Variants in DOCK1 observed in about 807,000 individuals in gnomAD.
DOCK1 encodes the protein dedicator of cytokinesis protein 1.
Under a neutral mutation model 262.7 loss-of-function variants are expected in DOCK1, and 138 were observed. The ratio of observed to expected loss-of-function variants is 0.53; its 90% CI spans 0.46 to 0.61. The LOEUF (loss-of-function observed/expected upper bound fraction) is 0.61. Among genes scored for constraint, DOCK1 ranks in the 20% least tolerant of loss-of-function variants. DOCK1 has a pLI of 0.00. For missense variants in DOCK1, 1,908 were observed against 2,370.7 expected, an observed-to-expected ratio of 0.80 and a Z score of 4.05; for synonymous variants, 866 against 867.4, an observed-to-expected ratio of 1.00 and a Z score of 0.03.
intron 27 of DOCK1, among the ~76,000 whole-genome samples, chr10:127,201,008 A>G (rs773836244): frequency 3.3e-5 from 5 of 152,236 alleles, no homozygotes; most frequent in Non-Finnish European, 5.9e-5. Context: ...CCGTCAGTTC[A>G]GAAGCTGTGG....
At chr10:127,213,887 T>C (rs1393780500) in intron 27 of DOCK1, among the ~76,000 whole-genome samples, 1 of 152,208 alleles carries the variant, frequency 6.6e-6, no homozygotes, top group Non-Finnish European at 1.5e-5. Flanking sequence ...TCGCCCAGGC[T>C]GGAGTGCAGT....
At chr10:126,936,874 G>A (rs1393421011) in intron 1 of DOCK1, among the ~76,000 whole-genome samples, 1 of 152,182 alleles carries the variant, frequency 6.6e-6, no homozygotes, top group Non-Finnish European at 1.5e-5. Flanking sequence ...TGTGCAAACA[G>A]CAGCACCATT....
intron 46 of DOCK1, among the ~76,000 whole-genome samples, chr10:127,420,845 A>C (rs2068460330): frequency 6.6e-6 from 1 of 151,846 alleles, no homozygotes; most frequent in Non-Finnish European, 1.5e-5. Context: ...AAAAAACAAA[A>C]AAAAAAGGAA....
At chr10:126,926,242 C>T (rs997000971) in intron 1 of DOCK1, among the ~76,000 whole-genome samples, 3 of 151,452 alleles carry the variant, frequency 2.0e-5, no homozygotes, top group East Asian at 3.9e-4. Flanking sequence ...CTTCTGTTTT[C>T]TTTTCTTTCT....
At chr10:127,027,307 C>T (rs1271807584) in intron 16 of DOCK1, among the ~76,000 whole-genome samples, 3 of 152,168 alleles carry the variant, frequency 2.0e-5, no homozygotes, top group African/African-American at 7.2e-5. Flanking sequence ...GATAAGAATA[C>T]CTTTCTGGCT....
chr10:127,316,234 C>T (rs190715357), intron 29 of DOCK1, among the ~76,000 whole-genome samples: 79 of 152,212 alleles, frequency 5.2e-4, no homozygotes, highest in African/African-American at 1.9e-3. Context: ...AACTCTGGTC[C>T]CGTGCTGTAC....
intron 35 of DOCK1, among the ~76,000 whole-genome samples, chr10:127,378,855 G>A (rs930660745): frequency 1.3e-5 from 2 of 152,204 alleles, no homozygotes; most frequent in African/African-American, 2.4e-5. Context: ...CATATGAACT[G>A]GAGGACAGTA....
intron 30 of DOCK1, 24 bp from the exon 31 acceptor site, chr10:127,343,622 C>T (rs2063517778): frequency 6.4e-7 from 1 of 1,573,874 alleles, no homozygotes; most frequent in African/African-American, 1.3e-5. Flanking sequence ...AACAACTTAG[C>T]ATCTCCTCCT....
rs774952371 is a variant in DOCK1 at position 127,161,077 on chromosome 10, G to A, written c.2847+33313G>A. Among the ~76,000 whole-genome samples the A allele has an allele frequency of 3.9e-5, 6 of 152,344 alleles. No individual in the cohort carries two copies. The South Asian group carries it at 1.2e-3, about 32-fold the overall frequency. ...CTCCTATGTTTGAGAGCCACTCTGA[G>A]CAGTAGATTTGGCTTGTTTCTGAAT... On this transcript the variant is annotated intron_variant, in intron 27 of 51. Transcript: ENST00000623213.
At chr10:127,389,680 G>A (rs772616345) in intron 38 of DOCK1, among the ~76,000 whole-genome samples, 7 of 152,102 alleles carry the variant, frequency 4.6e-5, no homozygotes, top group Non-Finnish European at 8.8e-5. Flanking sequence ...GTGCTGTGTC[G>A]TGAGAGTGAG....
Position 126,970,767 on chromosome 10 carries a change from A to C in DOCK1, c.112A>C (p.Ile38Leu). 6.2e-7 allele frequency: 1 copy of C among 1,613,306 alleles called. No individual in the cohort carries two copies. Among genetic ancestry groups the C allele is most frequent in the Non-Finnish European group, 8.5e-7 (1 of 1,179,380 alleles). Residue 38 changes from isoleucine (I) to leucine (L), a missense_variant, in exon 2 of 52, where the codon ATC becomes CTC. Physicochemically the swap from Ile to Leu is conservative, Grantham distance 5. This residue lies in a region of DOCK1 where 227 missense variants were observed against 254.1 expected (regional missense o/e 0.89). Transcript: ENST00000623213. ...LSLQIGDTVH[I>L]LETYEGWYRG... ...TTTACAGATCGGAGACACTGTGCAC[A>C]TCTTAGAAACATATGAAGGTGCGTA...
At chr10:127,147,204 A>C (rs2051952880) in intron 27 of DOCK1, among the ~76,000 whole-genome samples, 1 of 152,168 alleles carries the variant, frequency 6.6e-6, no homozygotes, top group African/African-American at 2.4e-5. Context: ...GAAGCCGTCA[A>C]GGATTGTGGT....
chr10:127,269,421 C>A (rs1017783716), intron 29 of DOCK1, among the ~76,000 whole-genome samples: 2 of 152,172 alleles, frequency 1.3e-5, no homozygotes, highest in African/African-American at 4.8e-5. Context: ...AAATACAATT[C>A]TTTGCTTTCA....
At chr10:127,379,054 T>C (rs1223994991) in intron 35 of DOCK1, among the ~76,000 whole-genome samples, 6 of 152,228 alleles carry the variant, frequency 3.9e-5, no homozygotes, top group Non-Finnish European at 7.3e-5. Flanking sequence ...AATGGTGATA[T>C]TCACTAGTTA....
chr10:127,064,732 T>C (rs746495112), intron 23 of DOCK1, among the ~76,000 whole-genome samples: 8 of 152,344 alleles, frequency 5.3e-5, no homozygotes, highest in Non-Finnish European at 8.8e-5. Context: ...CCAAATACTT[T>C]TTGAAAACAT....
At chr10:127,027,999 A>G (rs1031308143) in intron 16 of DOCK1, among the ~76,000 whole-genome samples, 6 of 130,870 alleles carry the variant, frequency 4.6e-5, no homozygotes, top group Non-Finnish European at 6.2e-5. Context: ...CCGGCCTGGG[A>G]TGTGGCTGAC....
rs74566413 is a variant in DOCK1, at chr10:127,343,429, G to A, written c.3124-217G>A. On this transcript the variant is annotated intron_variant, in intron 30 of 51. Transcript: ENST00000623213. ...TAGAGTCTGAGTAAATGGCAGACCC[G>A]GGATTTGAATATGTGCACCGTGACC... is the stretch of plus-strand genomic sequence containing the variant. Among the ~76,000 whole-genome samples the A allele has an allele frequency of 5.9e-3, 897 of 152,228 alleles. 14 individuals are homozygous for A. Among genetic ancestry groups the A allele is most frequent in the African/African-American group, 0.02 (840 of 41,530 alleles).
At chr10:126,948,637 G>C (rs895955872) in intron 1 of DOCK1, among the ~76,000 whole-genome samples, 1 of 151,910 alleles carries the variant, frequency 6.6e-6, no homozygotes, top group Non-Finnish European at 1.5e-5. Context: ...TCCCGATGTG[G>C]GGTTGCAGGG....
At chr10:127,219,569 A>C (rs1244387715) in intron 27 of DOCK1, among the ~76,000 whole-genome samples, 1 of 152,168 alleles carries the variant, frequency 6.6e-6, no homozygotes, top group Non-Finnish European at 1.5e-5. Flanking sequence ...TTTGTGCATG[A>C]CTAAATTCCA....
Sources: allele counts gnomAD v4.1 joint callset (sites outside exome capture counted in the v4.1 genomes callset), GRCh38; gene constraint gnomAD v4.1.1; regional missense constraint gnomAD v4.1.1; transcripts MANE v1.5; gene names NCBI Gene and HGNC (gene_info 2026-07-23, HGNC 2026-07-21).